Variants in LPXN observed in about 807,000 individuals in gnomAD.
LPXN encodes leupaxin.
A neutral mutation model predicts 45.6 loss-of-function variants in LPXN; 28 were observed. The ratio of observed to expected loss-of-function variants is 0.61; its 90% CI spans 0.45 to 0.84. The LOEUF is 0.84. LPXN is among the 40% of genes least tolerant of loss of function. LPXN has a pLI of 0.00. For synonymous variants in LPXN, 166 were observed against 169.9 expected (o/e 0.98, Z 0.18); for missense variants, 459 against 475.0 (o/e 0.97, Z 0.31).
intron 3 of LPXN, among the ~76,000 whole-genome samples, chr11:58,562,936 C>T (rs912521811): frequency 6.6e-6 from 1 of 152,066 alleles, no homozygotes; most frequent in Non-Finnish European, 1.5e-5. Flanking sequence ...GGGTCAGCTC[C>T]CCTGGAATAC....
intron 7 of LPXN, among the ~76,000 whole-genome samples, chr11:58,531,075 A>G (rs1239097733): frequency 6.6e-6 from 1 of 152,204 alleles, no homozygotes; most frequent in African/African-American, 2.4e-5. Flanking sequence ...GACCAAACGT[A>G]GAAACACTCA....
At chr11:58,538,679 G>A (rs538833513) in intron 7 of LPXN, among the ~76,000 whole-genome samples, 2 of 152,116 alleles carry the variant, frequency 1.3e-5, no homozygotes, top group Admixed American at 6.5e-5. Flanking sequence ...GAGTGAGGAC[G>A]GATATGTTAA....
intron 7 of LPXN, among the ~76,000 whole-genome samples, chr11:58,533,261 A>C (rs933749186): frequency 6.6e-6 from 1 of 152,234 alleles, no homozygotes; most frequent in East Asian, 1.9e-4. Flanking sequence ...AAAAATGTTA[A>C]GTGCAGCCAA....
chr11:58,577,807 C>A (rs1262134428), upstream of LPXN, among the ~76,000 whole-genome samples: 1 of 152,130 alleles, frequency 6.6e-6, no homozygotes, highest in Non-Finnish European at 1.5e-5. Context: ...CCCTCTAGGT[C>A]AGGCACCGCA....
In LPXN at chr11:58,554,947, A is replaced by G. The variant is rs371609484; in HGVS notation, c.219-7T>C. ...CTTTGGCTCTTGGGCTTCACTATAG[A>G]GGGAAAACAAAAAAGTCATATGAAC... On this transcript the variant is annotated splice_polypyrimidine_tract_variant and splice_region_variant and intron_variant, in intron 3 of 8. Transcript: ENST00000395074. 1.9e-5 allele frequency: 30 copies of G among 1,591,740 alleles called. No individual in the cohort carries two copies. In the African/African-American group the frequency reaches 2.8e-4, roughly 15 times the overall value.
chr11:58,558,571 A>AAAGGAAAGGAAGAAGAAAAAG (rs1854280908), intron 3 of LPXN, among the ~76,000 whole-genome samples: 1 of 150,946 alleles, frequency 6.6e-6, no homozygotes, highest in East Asian at 1.9e-4. Context: ...AAAAGAGAAG[A>AAAGGAAAGGAAGAAGAAAAAG]AAGGAAAGGA....
At chr11:58,562,599 G>C (rs1168547603) in intron 3 of LPXN, among the ~76,000 whole-genome samples, 1 of 152,156 alleles carries the variant, frequency 6.6e-6, no homozygotes, top group African/African-American at 2.4e-5. Context: ...CAGGTGAGGG[G>C]AGAGCTAAGA....
rs751300586 is a variant in LPXN, at chr11:58,527,574, C to A, written c.1041G>T (p.Lys347Asn). The change falls in exon 9 of 9, where the codon AAG (lysine) becomes AAT (asparagine). Residue 347 changes from lysine to asparagine, a missense_variant. Lys to Asn is a moderately conservative substitution (Grantham distance 94). Coordinates refer to ENST00000395074, the MANE Select transcript of LPXN (RefSeq NM_004811.3). ...TGRCISAMGY[K>N]FHPEHFVCAF... is the part of the protein sequence containing the mutation. ...CACACACAAAGTGCTCAGGATGGAACTTGTACCCCATGGCACTGATACAAC... is the reference window on the plus strand; with the variant it reads ...CACACACAAAGTGCTCAGGATGGAAATTGTACCCCATGGCACTGATACAAC... The A allele has an allele frequency of 1.5e-5, 25 of 1,614,190 alleles. No homozygotes were observed. The highest frequency in any genetic ancestry group is 2.0e-5 in the Non-Finnish European group (24 of 1,180,028).
At chr11:58,559,847 T>A (rs999730568) in intron 3 of LPXN, among the ~76,000 whole-genome samples, 3 of 152,112 alleles carry the variant, frequency 2.0e-5, no homozygotes, top group African/African-American at 7.2e-5. Flanking sequence ...CTGTTCTCCA[T>A]CCTGGGCAAT....
chr11:58,550,998 G>A, intron 5 of LPXN, 67 bp downstream of exon 5: 1 of 1,404,092 alleles, frequency 7.1e-7, no homozygotes, highest in Non-Finnish European at 9.5e-7. Context: ...TAAGGGGAAA[G>A]AGCAAACCTT....
chr11:58,531,368 C>T (rs1356416345), intron 7 of LPXN, among the ~76,000 whole-genome samples: 4 of 151,868 alleles, frequency 2.6e-5, no homozygotes, highest in Non-Finnish European at 5.9e-5. Flanking sequence ...CATACATGAC[C>T]TGATGGAGCT....
At chr11:58,570,845 C>A in intron 1 of LPXN, 132 bp from the exon 2 acceptor site, 1 of 577,290 alleles carries the variant, frequency 1.7e-6, no homozygotes, top group East Asian at 2.9e-5. Context: ...AAATACTTTC[C>A]CTTATTCCTT....
chr11:58,543,249 CA>C (rs1853782492), intron 7 of LPXN, among the ~76,000 whole-genome samples: 1 of 152,116 alleles, frequency 6.6e-6, no homozygotes, highest in Non-Finnish European at 1.5e-5. Flanking sequence ...ATGCTTGACA[CA>C]TATATAGTAG....
At chr11:58,551,813 A>T (rs1488116969) in intron 4 of LPXN, among the ~76,000 whole-genome samples, 1 of 152,240 alleles carries the variant, frequency 6.6e-6, no homozygotes, top group Non-Finnish European at 1.5e-5. Flanking sequence ...ATAATCAAAG[A>T]AGGCCCCTCT....
rs780712916 is a variant in LPXN, at chr11:58,527,454, T to A, written c.1161A>T (p.Ter387TyrextTer23). ...QPCFNKLFPL* is the reference protein window; with the variant it reads ...QPCFNKLFPLY ...TGAAGAGGCTATGGATCAGTTGGCA[T>A]TACAGTGGGAAGAGCTTATTGAAGC... Residue 387 changes from the stop codon to tyrosine, a stop_lost, in exon 9 of 9, where the codon TAA becomes TAT. Coordinates refer to ENST00000395074, the MANE Select transcript of LPXN (RefSeq NM_004811.3). The A allele has an allele frequency of 6.2e-7, 1 of 1,614,132 alleles. No individual in the cohort carries two copies. The highest frequency in any genetic ancestry group is 8.5e-7 in the Non-Finnish European group (1 of 1,179,968).
chr11:58,538,014 C>T (rs1225263227), intron 7 of LPXN, among the ~76,000 whole-genome samples: 1 of 148,414 alleles, frequency 6.7e-6, no homozygotes, highest in African/African-American at 2.5e-5. Context: ...TGAGTGAGAA[C>T]ATGTGGCGTT....
chr11:58,537,232 T>A (rs1853580008), intron 7 of LPXN, among the ~76,000 whole-genome samples: 1 of 152,200 alleles, frequency 6.6e-6, no homozygotes, highest in Admixed American at 6.5e-5. Flanking sequence ...TGCAGTACTA[T>A]TCACAAAAGC....
intron 7 of LPXN, among the ~76,000 whole-genome samples, chr11:58,548,732 T>C (rs928752034): frequency 2.0e-5 from 3 of 152,164 alleles, no homozygotes; most frequent in Admixed American, 2.0e-4. Context: ...GGTAGGCAAT[T>C]TCATTAGGAC....
chr11:58,546,068 G>T (rs1305826234), intron 7 of LPXN, among the ~76,000 whole-genome samples: 1 of 152,102 alleles, frequency 6.6e-6, no homozygotes, highest in Non-Finnish European at 1.5e-5. Flanking sequence ...ATTATAAAGA[G>T]CCATAAGGAA....
Sources: allele counts gnomAD v4.1 joint callset (sites outside exome capture counted in the v4.1 genomes callset), GRCh38; gene constraint gnomAD v4.1.1; transcripts MANE v1.5; gene names NCBI Gene and HGNC (gene_info 2026-07-23, HGNC 2026-07-21).